Variants in LRP1B observed in about 807,000 individuals in gnomAD.
The protein encoded by LRP1B is low-density lipoprotein receptor-related protein 1B.
LRP1B carries 217 observed loss-of-function variants against 556.6 expected under a neutral mutation model. The observed-to-expected ratio is 0.39, with a 90% CI of 0.35 to 0.44. The LOEUF is 0.44. Among genes scored for constraint, LRP1B ranks in the 20% least tolerant of loss-of-function variants. The pLI, the probability that LRP1B is intolerant of heterozygous loss-of-function variation, is 1.00. For synonymous variants in LRP1B, 2,047 were observed against 1,865.8 expected (o/e 1.10, Z -2.50); for missense variants, 5,053 against 5,620.8 (o/e 0.90, Z 3.23).
chr2:140,486,591 TA>T (rs968181149), intron 58 of LRP1B, among the ~76,000 whole-genome samples: 18 of 151,892 alleles, frequency 1.2e-4, no homozygotes, highest in Admixed American at 5.9e-4. Flanking sequence ...TAAAGTATCT[TA>T]AAAAAATATA....
chr2:140,451,216 C>G (rs1686871270), intron 62 of LRP1B, among the ~76,000 whole-genome samples: 2 of 152,172 alleles, frequency 1.3e-5, no homozygotes, highest in Admixed American at 6.6e-5. Flanking sequence ...TGCTGGATTA[C>G]AGGTGTAAAT....
At chr2:141,099,162 C>T (rs1327830515) in intron 7 of LRP1B, among the ~76,000 whole-genome samples, 4 of 152,016 alleles carry the variant, frequency 2.6e-5, no homozygotes, top group East Asian at 3.9e-4. Context: ...TGTCTAAATA[C>T]AGCACTAAAC....
At chr2:141,045,914 G>A (rs1698855006) in intron 11 of LRP1B, among the ~76,000 whole-genome samples, 1 of 152,036 alleles carries the variant, frequency 6.6e-6, no homozygotes, top group South Asian at 2.1e-4. Context: ...TAATAAATCA[G>A]TAATATGTTT....
chr2:141,282,393 A>T (rs12328747), intron 3 of LRP1B, among the ~76,000 whole-genome samples: 12,516 of 151,684 alleles, frequency 0.083, 545 homozygotes, highest in South Asian at 0.11. Context: ...ATAATTTTTT[A>T]AAAAAATCAA....
chr2:140,279,282 T>C (rs1434537591), intron 84 of LRP1B, among the ~76,000 whole-genome samples: 4 of 152,010 alleles, frequency 2.6e-5, no homozygotes, highest in African/African-American at 9.7e-5. Context: ...TCCTCTGTTA[T>C]TTCAAGTGTT....
At chr2:142,082,292 A>C (rs1574664552) in intron 1 of LRP1B, among the ~76,000 whole-genome samples, 2 of 152,272 alleles carry the variant, frequency 1.3e-5, no homozygotes, top group Middle Eastern at 6.8e-3. Context: ...CCACCCTAAC[A>C]AACACAGGCA....
chr2:140,880,596 C>T (rs963793461), intron 25 of LRP1B, among the ~76,000 whole-genome samples: 9 of 151,684 alleles, frequency 5.9e-5, no homozygotes, highest in African/African-American at 2.2e-4. Context: ...AAACACTTCA[C>T]ATTGGCATCT....
At chr2:141,384,254 G>A (rs1689751386) in intron 3 of LRP1B, among the ~76,000 whole-genome samples, 1 of 152,038 alleles carries the variant, frequency 6.6e-6, no homozygotes, top group South Asian at 2.1e-4. Flanking sequence ...AGTACTTTAG[G>A]CTAAAATGAA....
At chr2:142,075,834 C>T (rs915671592) in intron 1 of LRP1B, among the ~76,000 whole-genome samples, 4 of 152,110 alleles carry the variant, frequency 2.6e-5, no homozygotes, top group African/African-American at 7.2e-5. Context: ...AACAGCTTGT[C>T]TTTTCAATCA....
At position 141,483,291 on chromosome 2, in the gene LRP1B, C is replaced by G. The variant is rs527349669; in HGVS notation, c.206-2758G>C. On this transcript the variant is annotated intron_variant, in intron 2 of 90. Transcript: ENST00000389484. Reference sequence around the variant, plus strand: ...TCCATGTCCCTACAAAGGACATGAACTCATCATTTTTTATGGCTGCATAGT... The same window carrying G: ...TCCATGTCCCTACAAAGGACATGAAGTCATCATTTTTTATGGCTGCATAGT... Among the ~76,000 whole-genome samples, 20 of 151,334 alleles carry G rather than the reference C, an allele frequency of 1.3e-4. 1 individual carries two copies. The South Asian group carries it at 3.4e-3, about 25-fold the overall frequency.
intron 41 of LRP1B, among the ~76,000 whole-genome samples, chr2:140,644,575 T>C (rs1271281175): frequency 6.6e-6 from 1 of 151,976 alleles, no homozygotes; most frequent in Admixed American, 6.6e-5. Context: ...TTTTTGCATT[T>C]CTTTTATTTT....
At chr2:141,930,339 A>G (rs1700459300) in intron 1 of LRP1B, among the ~76,000 whole-genome samples, 1 of 152,058 alleles carries the variant, frequency 6.6e-6, no homozygotes, top group Non-Finnish European at 1.5e-5. Context: ...TTTTAAAAAC[A>G]AAACTTGACA....
chr2:142,060,393 G>T (rs1237690419), intron 1 of LRP1B, among the ~76,000 whole-genome samples: 2 of 152,058 alleles, frequency 1.3e-5, no homozygotes, highest in Admixed American at 1.3e-4. Flanking sequence ...TTTCAAAAAG[G>T]AGAAAATCTA....
At chr2:141,575,318 C>T (rs540821100) in intron 2 of LRP1B, among the ~76,000 whole-genome samples, 2 of 152,254 alleles carry the variant, frequency 1.3e-5, no homozygotes, top group South Asian at 2.1e-4. Flanking sequence ...ACATCTGTAA[C>T]CATCTGATCT....
At chr2:140,831,948 T>C (rs1341212948) in intron 31 of LRP1B, among the ~76,000 whole-genome samples, 2 of 152,156 alleles carry the variant, frequency 1.3e-5, no homozygotes, top group Non-Finnish European at 2.9e-5. Flanking sequence ...CAGGGTAATG[T>C]CACACAAAAC....
intron 7 of LRP1B, among the ~76,000 whole-genome samples, chr2:141,087,958 G>T (rs3856358): frequency 2.6e-5 from 4 of 152,042 alleles, no homozygotes; most frequent in Non-Finnish European, 5.9e-5. Flanking sequence ...GAAATTAAGT[G>T]ATTTGTCCAA....
At chr2:140,683,528 A>G (rs1441516587) in intron 41 of LRP1B, 3 of 620,828 alleles carry the variant, frequency 4.8e-6, no homozygotes, top group East Asian at 3.2e-5. Context: ...CGTCAGCATC[A>G]TATGGATTTC....
In LRP1B at chr2:141,630,998, T is replaced by C. The variant is rs573692056; in HGVS notation, c.206-150465A>G. On this transcript the variant is annotated intron_variant, in intron 2 of 90. Coordinates refer to ENST00000389484, the MANE Select transcript of LRP1B (RefSeq NM_018557.3). ...ATCATCTCCTATTGCATTAGTCTGT[T>C]CTCATGCTGCTATAAACGACTGCCT... 1.1e-3 allele frequency among the ~76,000 whole-genome samples: 165 copies of C among 152,278 alleles called. 1 individual carries two copies. Among genetic ancestry groups the C allele is most frequent in the African/African-American group, 3.9e-3 (160 of 41,550 alleles).
chr2:141,419,091 TA>T (rs1459961302), intron 3 of LRP1B, among the ~76,000 whole-genome samples: 3 of 152,136 alleles, frequency 2.0e-5, no homozygotes, highest in Non-Finnish European at 4.4e-5. Context: ...GAATGTCTTT[TA>T]TTTATTTTCT....
Sources: gnomAD v4.1 joint callset for allele counts (sites outside exome capture counted in the v4.1 genomes callset) on GRCh38, gnomAD v4.1.1 for gene constraint, MANE v1.5 for transcripts, NCBI Gene and HGNC (gene_info 2026-07-23, HGNC 2026-07-21) for gene names.